SMARCA2: variants seen among roughly 807,000 people sequenced by gnomAD.
SMARCA2 encodes the protein SWI/SNF related BAF chromatin remodeling complex subunit ATPase 2.
A neutral mutation model predicts 199.8 loss-of-function variants in SMARCA2; 61 were observed. The observed-to-expected ratio is 0.31, with a 90% confidence interval of 0.25 to 0.38. SMARCA2 has a LOEUF of 0.38. SMARCA2 is among the 10% of genes least tolerant of loss of function. The pLI is 1.00. For synonymous variants in SMARCA2, 935 were observed against 732.0 expected, an observed-to-expected ratio of 1.28 and a Z score of -4.48; for missense variants, 1,344 against 2,012.2, an observed-to-expected ratio of 0.67 and a Z score of 6.35.
chr9:2,082,314 T>A (rs1224213756), intron 15 of SMARCA2, among the ~76,000 whole-genome samples: 1 of 130,168 alleles, frequency 7.7e-6, no homozygotes, highest in East Asian at 2.3e-4. Context: ...AAGGTGTGTG[T>A]GTGTGTGTGT....
chr9:2,059,629 A>G lies in SMARCA2; in HGVS notation c.1521+1165A>G, dbSNP rs1820498912. Among the ~76,000 whole-genome samples, 3 of 152,234 alleles carry G rather than the reference A, an allele frequency of 2.0e-5. No individual in the cohort carries two copies. The South Asian group carries it at 6.2e-4, about 32-fold the overall frequency. ...TTAAGTGATGGAATATACAGATAAT[A>G]GAGAAACTGAAGTTTTTTATCACTC... is the stretch of plus-strand genomic sequence containing the variant. On this transcript the variant is annotated intron_variant, in intron 8 of 33. Transcript: ENST00000349721.
rs1290058469 is a variant in SMARCA2 at position 2,016,866 on chromosome 9, G to A, written c.-37+1462G>A. On this transcript the variant is annotated intron_variant, in intron 1 of 33. Transcript: ENST00000349721. The surrounding 1 kb of genome is among the most constrained non-coding windows in gnomAD (Gnocchi z 5.6). ...CCTCCCGTTTGCGTTGCAAAACACGGCCATGCCATCTGCAAAGGTGTCGCG... is the reference window on the plus strand; with the variant it reads ...CCTCCCGTTTGCGTTGCAAAACACGACCATGCCATCTGCAAAGGTGTCGCG... Among the ~76,000 whole-genome samples, 1 of 152,282 alleles carries A rather than the reference G, an allele frequency of 6.6e-6. No individual in the cohort carries two copies. The highest frequency in any genetic ancestry group is 1.9e-4 in the East Asian group (1 of 5,176).
At chr9:2,113,606 T>A (rs996425503) in intron 24 of SMARCA2, among the ~76,000 whole-genome samples, 1 of 152,210 alleles carries the variant, frequency 6.6e-6, no homozygotes. Flanking sequence ...TCTAGAAATA[T>A]TAGCTTTTGT....
chr9:2,169,353 TGAC>T lies in SMARCA2; in HGVS notation c.4200-1065_4200-1063del, dbSNP rs1306497855. On this transcript the variant is annotated intron_variant, in intron 28 of 33. Coordinates refer to ENST00000349721, the MANE Select transcript of SMARCA2 (RefSeq NM_003070.5). This position sits in a 1 kb window ranked among gnomAD's most constrained non-coding sequence, Gnocchi z 6.5. ...AGCGGCCCCGTTGCCTACCCGATGATGACCAGACTTCTTAGCGTAGGAGAATTG... is the reference window on the plus strand; with the variant it reads ...AGCGGCCCCGTTGCCTACCCGATGATCAGACTTCTTAGCGTAGGAGAATTG... Among the ~76,000 whole-genome samples the T allele has an allele frequency of 6.6e-6, 1 of 152,218 alleles. No homozygotes were observed. The highest frequency in any genetic ancestry group is 2.4e-5 in the African/African-American group (1 of 41,466).
At chr9:2,047,594 C>A in intron 5 of SMARCA2, 110 bp downstream of exon 5, 1 of 1,170,528 alleles carries the variant, frequency 8.5e-7, no homozygotes, top group Non-Finnish European at 1.1e-6. Context: ...TGATTTTCAC[C>A]CGTGCGGTCG....
At chr9:2,185,747 GCTTTACCACAGTC>G (rs1187151391) in intron 31 of SMARCA2, among the ~76,000 whole-genome samples, 9 of 152,144 alleles carry the variant, frequency 5.9e-5, no homozygotes, top group African/African-American at 1.9e-4. Context: ...AAAGAAGATT[GCTTTACCACAGTC>G]TTACTACAGC....
At chr9:2,134,595 G>A (rs1016029974) in intron 27 of SMARCA2, among the ~76,000 whole-genome samples, 1 of 152,222 alleles carries the variant, frequency 6.6e-6, no homozygotes, top group African/African-American at 2.4e-5. Context: ...AGCCTGGAAT[G>A]TGAGTTCTGA....
At chr9:2,070,593 G>T in intron 10 of SMARCA2, 122 bp downstream of exon 10, 1 of 684,300 alleles carries the variant, frequency 1.5e-6, no homozygotes, top group Non-Finnish European at 2.5e-6. Context: ...AGTAAAAATA[G>T]TAATACATTA....
At chr9:2,050,846 A>G (rs1174102019) in intron 5 of SMARCA2, among the ~76,000 whole-genome samples, 1 of 152,208 alleles carries the variant, frequency 6.6e-6, no homozygotes, top group Non-Finnish European at 1.5e-5. Flanking sequence ...GGACCTGAAC[A>G]AGTATCTGTT....
intron 3 of SMARCA2, among the ~76,000 whole-genome samples, chr9:2,037,163 TA>T (rs1819372316): frequency 6.6e-6 from 1 of 152,204 alleles, no homozygotes; most frequent in African/African-American, 2.4e-5. Context: ...GCGTTACAAC[TA>T]GGGGGTTAAT....
At chr9:2,081,402 T>G (rs1434470075) in intron 14 of SMARCA2, among the ~76,000 whole-genome samples, 1 of 152,216 alleles carries the variant, frequency 6.6e-6, no homozygotes, top group African/African-American at 2.4e-5. Flanking sequence ...CAGTCCGCCT[T>G]TTCACTGAGG....
At position 2,039,598 on chromosome 9, in the gene SMARCA2, C is replaced by A; in HGVS notation, c.488C>A (p.Ala163Asp). The A allele has an allele frequency of 6.2e-7, 1 of 1,614,232 alleles. No homozygotes were observed. Among genetic ancestry groups the A allele is most frequent in the East Asian group, 2.2e-5 (1 of 44,886 alleles). The change falls in exon 4 of 34, where the codon GCC becomes GAC. Residue 163 changes from alanine to aspartate, a missense_variant. By Grantham distance (126) the Ala-to-Asp change is moderately radical. Transcript: ENST00000349721. The surrounding 1 kb of genome is among the most constrained non-coding windows in gnomAD (Gnocchi z 4.8). ...GCCCTCATCCCAGGTGATCCGCAGG[C>A]CATGAGCCAGCCCAACAGAGGTCCC... ...PGALIPGDPQ[A>D]MSQPNRGPSP...
chr9:2,041,056 ACAG>A, intron 4 of SMARCA2: 1 of 283,980 alleles, frequency 3.5e-6, no homozygotes, highest in Non-Finnish European at 6.5e-6. Context: ...GTTGTTGCAA[ACAG>A]CTAGTTTGGG....
At chr9:2,018,292 C>T (rs1347793131) in intron 1 of SMARCA2, among the ~76,000 whole-genome samples, 2 of 152,224 alleles carry the variant, frequency 1.3e-5, no homozygotes, top group East Asian at 1.9e-4. Context: ...GGGTGCAAAG[C>T]CTAGACTGGG....
At chr9:2,187,522 A>G (rs527790834) in intron 32 of SMARCA2, among the ~76,000 whole-genome samples, 1 of 152,278 alleles carries the variant, frequency 6.6e-6, no homozygotes, top group East Asian at 1.9e-4. Flanking sequence ...AATGTTTGTA[A>G]AAAGAAATAG....
intron 27 of SMARCA2, among the ~76,000 whole-genome samples, chr9:2,149,543 C>T (rs1308525215): frequency 6.6e-6 from 1 of 151,270 alleles, no homozygotes; most frequent in East Asian, 1.9e-4. Context: ...AAAAGGAAAC[C>T]TCTTATAAAA....
Position 2,081,870 on chromosome 9 carries a change from C to T in SMARCA2, c.2223C>T (p.Asn741=). 6.2e-7 allele frequency: 1 copy of T among 1,614,106 alleles called. No individual in the cohort carries two copies. The highest frequency in any genetic ancestry group is 8.5e-7 in the Non-Finnish European group (1 of 1,179,996). Reference sequence around the variant, plus strand: ...AATGGATGGTTTCCCTGTATAATAACAACTTGAACGGAATCTTAGCCGATG... The same window carrying T: ...AATGGATGGTTTCCCTGTATAATAATAACTTGAACGGAATCTTAGCCGATG... ...GLEWMVSLYN[N]NLNGILADEM... Residue 741 remains asparagine, a synonymous_variant, in exon 15 of 34, where the codon AAC becomes AAT. Coordinates refer to ENST00000349721, the MANE Select transcript of SMARCA2 (RefSeq NM_003070.5).
At chr9:2,053,306 G>C (rs542361469) in intron 5 of SMARCA2, among the ~76,000 whole-genome samples, 28 of 152,090 alleles carry the variant, frequency 1.8e-4, no homozygotes, top group Non-Finnish European at 4.0e-4. Flanking sequence ...GACATGATTT[G>C]GTTCTTTTTT....
chr9:2,032,753 C>A, intron 2 of SMARCA2, 199 bp from the exon 3 acceptor site: 1 of 434,890 alleles, frequency 2.3e-6, no homozygotes, highest in South Asian at 4.5e-5. Context: ...AAAAAACAAC[C>A]CTCCACTGTT....
Sources: allele counts gnomAD v4.1 joint callset (sites outside exome capture counted in the v4.1 genomes callset), GRCh38; gene constraint gnomAD v4.1.1; non-coding constraint Gnocchi (gnomAD v3.1); transcripts MANE v1.5; gene names NCBI Gene and HGNC (gene_info 2026-07-23, HGNC 2026-07-21).